RELB: variants seen among roughly 807,000 people sequenced by gnomAD.
The protein encoded by RELB is transcription factor RelB.
A neutral mutation model predicts 55.4 loss-of-function variants in RELB; 14 were observed. That is an observed-to-expected ratio of 0.25 (90% confidence interval 0.17 to 0.40). The LOEUF (loss-of-function observed/expected upper bound fraction) is 0.40, where lower values mean the gene tolerates loss of function less well. Among genes scored for constraint, RELB ranks in the 10% least tolerant of loss-of-function variants. RELB has a pLI of 1.00. For synonymous variants in RELB, 409 were observed against 371.3 expected, an observed-to-expected ratio of 1.10 and a Z score of -1.17; for missense variants, 669 against 830.7, an observed-to-expected ratio of 0.81 and a Z score of 2.39.
At position 45,011,756 on chromosome 19, in the gene RELB, C is replaced by CTGTG. The variant is rs199579874; in HGVS notation, c.164-141_164-138dup. On this transcript the variant is annotated intron_variant, in intron 3 of 11. Coordinates refer to ENST00000221452, the MANE Select transcript of RELB (RefSeq NM_006509.4). ...GCCACCGCACCTGGCCTCCCTGACT[C>CTGTG]TGTGTGTGTGTGTGTGTGTGTGTGT... Among the ~76,000 whole-genome samples, 254 of 59,850 alleles carry CTGTG rather than the reference C, an allele frequency of 4.2e-3. 7 individuals carry two copies. Among genetic ancestry groups the CTGTG allele is most frequent in the Middle Eastern group, 0.018 (2 of 114 alleles). 39.3% of individuals were successfully genotyped at this position (59,850 alleles called of 152,430 possible).
At position 45,034,434 on chromosome 19, in the gene RELB, T is replaced by C. The variant is rs762897775; in HGVS notation, c.1277-17T>C. On this transcript the variant is annotated splice_polypyrimidine_tract_variant and intron_variant, in intron 10 of 11. Transcript: ENST00000221452. ...GGCTGTCGGGGAACAGGGGTCCTCA[T>C]CTCTGCCTTCCCTCAGACCCCCATG... 13 of 1,611,506 alleles carry C rather than the reference T, an allele frequency of 8.1e-6. No individual in the cohort carries two copies. In the Admixed American group the frequency reaches 1.0e-4, roughly 13 times the overall value.
chr19:45,028,294 T>C (rs1410447274), intron 7 of RELB, among the ~76,000 whole-genome samples: 3 of 152,112 alleles, frequency 2.0e-5, no homozygotes, highest in African/African-American at 7.2e-5. Context: ...AGTGCTGGGA[T>C]TACAGGTGTG....
chr19:45,014,606 C>A (rs1401655553), intron 4 of RELB, among the ~76,000 whole-genome samples: 1 of 151,890 alleles, frequency 6.6e-6, no homozygotes, highest in Non-Finnish European at 1.5e-5. Flanking sequence ...CAACCTCCAC[C>A]TCCTGGGTTC....
intron 4 of RELB, among the ~76,000 whole-genome samples, chr19:45,012,756 A>AG (rs1381564687): frequency 6.6e-6 from 1 of 151,182 alleles, no homozygotes; most frequent in Non-Finnish European, 1.5e-5. Flanking sequence ...GAAAAAAAAA[A>AG]AAGAAGGCAG....
intron 1 of RELB, 116 bp from the exon 2 acceptor site, chr19:45,002,833 G>C (rs1971230471): frequency 1.3e-6 from 1 of 794,304 alleles, no homozygotes; most frequent in Non-Finnish European, 2.1e-6. Flanking sequence ...GTCAGGGCGA[G>C]GGGCCTGATC....
intron 2 of RELB, among the ~76,000 whole-genome samples, chr19:45,004,996 C>T (rs1275241395): frequency 6.6e-6 from 1 of 151,766 alleles, no homozygotes; most frequent in Non-Finnish European, 1.5e-5. Context: ...GTTGAAACCC[C>T]ATCTCTACTA....
At position 45,006,800 on chromosome 19, in the gene RELB, A is replaced by G. The variant is rs567816238; in HGVS notation, c.155-3014A>G. Among the ~76,000 whole-genome samples the G allele has an allele frequency of 2.3e-4, 35 of 151,794 alleles. No individual in the cohort carries two copies. In the East Asian group the frequency reaches 6.9e-3, roughly 30 times the overall value. ...ACGTGGCAAAACCTCATCTCTACTAAAAATACGAAAATTAGCTGGGTGTGG... is the reference window on the plus strand; with the variant it reads ...ACGTGGCAAAACCTCATCTCTACTAGAAATACGAAAATTAGCTGGGTGTGG... On this transcript the variant is annotated intron_variant, in intron 2 of 11. Transcript: ENST00000221452.
intron 8 of RELB, among the ~76,000 whole-genome samples, 176 bp downstream of exon 8, chr19:45,029,168 C>A (rs1226910929): frequency 1.3e-5 from 2 of 152,164 alleles, no homozygotes; most frequent in Non-Finnish European, 2.9e-5. Context: ...TCATTCACTC[C>A]CTGAGTCGCC....
Position 45,001,595 on chromosome 19 carries a change from C to A in RELB, c.16C>A (p.Pro6Thr), listed in dbSNP as rs1971209694. The A allele has an allele frequency of 2.7e-6, 4 of 1,496,866 alleles. No homozygotes were observed. Among genetic ancestry groups the A allele is most frequent in the Non-Finnish European group, 3.5e-6 (4 of 1,129,854 alleles). 92.7% of individuals were successfully genotyped at this position (1,496,866 alleles called of 1,614,324 possible). The change falls in exon 1 of 12, where the codon CCA becomes ACA. Residue 6 changes from proline (P) to threonine (T), a missense_variant. Around this residue, in one of 3 missense-constraint regions of RELB, gnomAD observed 323 missense variants for 368.5 expected, o/e 0.88. Transcript: ENST00000221452. MLRSG[P>T]ASGPSVPTGR... is the part of the protein sequence containing the mutation. ...GCCCGCGTGCATGCTTCGGTCTGGG[C>A]CAGCCTCTGGGCCGTCCGTCCCCAC...
Position 45,025,718 on chromosome 19 carries a change from C to T in RELB, c.867C>T (p.Ser289=), listed in dbSNP as rs570531651. Residue 289 remains serine, a synonymous_variant, in exon 7 of 12, where the codon TCC becomes TCT. Coordinates refer to ENST00000221452, the MANE Select transcript of RELB (RefSeq NM_006509.4). ...GQMRRMDPVL[S]EPVYDKKSTN... is the part of the protein sequence containing the mutation. ...TGCGCCGGATGGATCCTGTGCTTTC[C>T]GAGCCCGTCTATGACAAGAGTGAGT... 11 of 1,613,832 alleles carry T rather than the reference C, an allele frequency of 6.8e-6. No individual in the cohort carries two copies. The highest frequency in any genetic ancestry group is 5.5e-5 in the South Asian group (5 of 91,082).
intron 2 of RELB, among the ~76,000 whole-genome samples, chr19:45,007,744 G>A (rs1243630104): frequency 1.3e-5 from 2 of 152,040 alleles, no homozygotes; most frequent in African/African-American, 4.8e-5. Context: ...TGTAATCCCA[G>A]CTACTCAGGA....
chr19:45,014,429 C>T (rs1971398127), intron 4 of RELB, among the ~76,000 whole-genome samples: 1 of 151,888 alleles, frequency 6.6e-6, no homozygotes, highest in Non-Finnish European at 1.5e-5. Context: ...CTTTGGCCTC[C>T]CAAAGTGTTG....
chr19:45,025,856 T>A, intron 7 of RELB, 119 bp downstream of exon 7: 1 of 1,308,824 alleles, frequency 7.6e-7, no homozygotes, highest in South Asian at 1.3e-5. Context: ...CCCAACACTT[T>A]GGGAGGTCGA....
chr19:45,002,443 C>T (rs1971224890), intron 1 of RELB, among the ~76,000 whole-genome samples: 1 of 152,120 alleles, frequency 6.6e-6, no homozygotes, highest in African/African-American at 2.4e-5. Context: ...ACCTCTGCCT[C>T]CCGGGCTCAA....
intron 1 of RELB, 37 bp from the exon 2 acceptor site, chr19:45,002,912 C>T: frequency 1.3e-6 from 2 of 1,593,258 alleles, no homozygotes; most frequent in Non-Finnish European, 1.7e-6. Flanking sequence ...TCTGGCTGCC[C>T]CCCATCACCT....
At chr19:45,037,072 A>G (rs988740420) in intron 11 of RELB, among the ~76,000 whole-genome samples, 1 of 152,110 alleles carries the variant, frequency 6.6e-6, no homozygotes, top group African/African-American at 2.4e-5. Context: ...TGAGGTCAGG[A>G]GTTCGAGACC....
At chr19:45,033,546 G>A (rs1040198203) in intron 9 of RELB, among the ~76,000 whole-genome samples, 2 of 151,454 alleles carry the variant, frequency 1.3e-5, no homozygotes, top group Admixed American at 1.3e-4. Context: ...TTAGCCGGGC[G>A]TGGTGGTGGG....
chr19:45,008,591 T>C (rs1420713381), intron 2 of RELB: 1 of 455,160 alleles, frequency 2.2e-6, no homozygotes, highest in Non-Finnish European at 4.4e-6. Context: ...TGGGGGGACC[T>C]TGGCACCCTA....
intron 4 of RELB, among the ~76,000 whole-genome samples, chr19:45,018,512 G>T (rs1262091625): frequency 6.6e-6 from 1 of 151,656 alleles, no homozygotes; most frequent in East Asian, 2.0e-4. Flanking sequence ...AACCTGGGAG[G>T]CAGGGGTTGC....
Sources: allele counts gnomAD v4.1 joint callset (sites outside exome capture counted in the v4.1 genomes callset), GRCh38; gene constraint gnomAD v4.1.1; regional missense constraint gnomAD v4.1.1; transcripts MANE v1.5; gene names NCBI Gene and HGNC (gene_info 2026-07-23, HGNC 2026-07-21).